The following KMT2A variants were observed in gnomAD, a reference collection of about 807,000 sequenced individuals.
KMT2A encodes lysine methyltransferase 2A.
Under a neutral mutation model 345.3 loss-of-function variants are expected in KMT2A, and 16 were observed. The observed-to-expected ratio is 0.05, with a 90% CI of 0.03 to 0.07. KMT2A has a LOEUF of 0.07. Ranked by LOEUF, KMT2A falls within the 10% of genes least tolerant of loss-of-function variation. KMT2A has a pLI of 1.00. For synonymous variants in KMT2A, 1,599 were observed against 1,778.6 expected (o/e 0.90, Z 2.54); for missense variants, 3,272 against 4,841.6 (o/e 0.68, Z 9.62).
Position 118,506,503 on chromosome 11 carries a change from T to C in KMT2A, c.10611T>C (p.Thr3537=), listed in dbSNP as rs1213203150. 2 of 1,614,052 alleles carry C rather than the reference T, an allele frequency of 1.2e-6. No individual in the cohort carries two copies. Among genetic ancestry groups the C allele is most frequent in the African/African-American group, 2.7e-5 (2 of 74,918 alleles). The change falls in exon 27 of 36, where the codon ACT becomes ACC. Residue 3537 remains threonine, a synonymous_variant. Transcript: ENST00000534358. ...RSASPSVPGP[T]KPKPKTKRFQ... Reference sequence around the variant, plus strand: ...CAAGCCCTTCAGTGCCGGGTCCCACTAAACCCAAACCAAAAACCAAACGGT... The same window carrying C: ...CAAGCCCTTCAGTGCCGGGTCCCACCAAACCCAAACCAAAAACCAAACGGT...
rs1411269068 is a variant in KMT2A at position 118,474,007 on chromosome 11, C to T, written c.2848C>T (p.Leu950Phe). The T allele has an allele frequency of 1.2e-6, 2 of 1,613,694 alleles. No individual in the cohort carries two copies. Among genetic ancestry groups the T allele is most frequent in the Non-Finnish European group, 1.7e-6 (2 of 1,179,924 alleles). Reference protein sequence around the residue: ...DSGTDITSVTLGDTTAVKTKI... With the variant: ...DSGTDITSVTFGDTTAVKTKI... ...TGGGACTGATATTACTTCTGTGACT[C>T]TTGGGGATACAACAGCTGTCAAAAC... The change falls in exon 3 of 36, where the codon CTT becomes TTT. Residue 950 changes from leucine (L) to phenylalanine (F), a missense_variant. By Grantham distance (22) the Leu-to-Phe change is conservative (BLOSUM62 0). Coordinates refer to ENST00000534358, the MANE Select transcript of KMT2A (RefSeq NM_001197104.2).
In KMT2A at chr11:118,525,986, G is replaced by C. The variant is rs1565323153; in HGVS notation, c.*3814G>C. 4.6e-6 allele frequency: 1 copy of C among 219,554 alleles called. No individual in the cohort carries two copies. The highest frequency in any genetic ancestry group is 9.1e-6 in the Non-Finnish European group (1 of 109,484). The allele number at this position is 219,554 out of a possible 1,614,324, so 13.6% of individuals were successfully genotyped here. On this transcript the variant is annotated 3_prime_UTR_variant, in exon 36 of 36. Coordinates refer to ENST00000534358, the MANE Select transcript of KMT2A (RefSeq NM_001197104.2). Reference sequence around the variant, plus strand: ...TTGGTTTTCAAATAAATATAAATATGATATATATAGGAACTAATATAGTAA... The same window carrying C: ...TTGGTTTTCAAATAAATATAAATATCATATATATAGGAACTAATATAGTAA...
At chr11:118,488,497 G>C in intron 10 of KMT2A, 117 bp from the exon 11 acceptor site, 1 of 978,506 alleles carries the variant, frequency 1.0e-6, no homozygotes. Context: ...AATATGTATT[G>C]AATTAAATAT....
intron 1 of KMT2A, among the ~76,000 whole-genome samples, chr11:118,442,950 C>T (rs1949343979): frequency 1.3e-5 from 2 of 152,092 alleles, no homozygotes; most frequent in African/African-American, 4.8e-5. Flanking sequence ...CTTCATTGAT[C>T]ACATCAGTAT....
chr11:118,491,357 A>G lies in KMT2A; in HGVS notation c.4819+39A>G. On this transcript the variant is annotated intron_variant, in intron 14 of 35. Transcript: ENST00000534358. The surrounding 1 kb of genome is among the most constrained non-coding windows in gnomAD (Gnocchi z 4.2). The stretch of plus-strand genomic sequence containing the variant: ...TATTTCAGTTTTCTTCTTTCTAGGT[A>G]CTACTACATTTATTAGCCTCTAGAG... 1 of 1,596,280 alleles carries G rather than the reference A, an allele frequency of 6.3e-7. No homozygotes were observed.
chr11:118,492,827 T>A (rs1037649247), intron 15 of KMT2A, among the ~76,000 whole-genome samples: 1 of 152,232 alleles, frequency 6.6e-6, no homozygotes, highest in Non-Finnish European at 1.5e-5. Flanking sequence ...AGCTTCTTCA[T>A]ACTAGGTTTG....
Position 118,525,114 on chromosome 11 carries a change from C to G in KMT2A, c.*2942C>G, listed in dbSNP as rs1951054305. 1 of 224,742 alleles carries G rather than the reference C, an allele frequency of 4.4e-6. No individual in the cohort carries two copies. Among genetic ancestry groups the G allele is most frequent in the African/African-American group, 2.2e-5 (1 of 44,806 alleles). The allele number at this position is 224,742 out of a possible 1,614,324, so 13.9% of individuals were successfully genotyped here. A position where few individuals can be genotyped will look rare whatever the true frequency, so the allele number is the denominator to read the frequency against. ...AGAGGGAAAGAAGGCAAAAACGGCACAGCTATCTCCAAACACATCTGAGTT... is the reference window on the plus strand; with the variant it reads ...AGAGGGAAAGAAGGCAAAAACGGCAGAGCTATCTCCAAACACATCTGAGTT... On this transcript the variant is annotated 3_prime_UTR_variant, in exon 36 of 36. Transcript: ENST00000534358.
chr11:118,484,112 T>G lies in KMT2A; in HGVS notation c.4087-71T>G. 1 of 1,394,500 alleles carries G rather than the reference T, an allele frequency of 7.2e-7. No individual in the cohort carries two copies. Among genetic ancestry groups the G allele is most frequent in the East Asian group, 2.3e-5 (1 of 43,520 alleles). 86.4% of individuals were successfully genotyped at this position (1,394,500 alleles called of 1,614,324 possible). A position where few individuals can be genotyped will look rare whatever the true frequency, so the allele number is the denominator to read the frequency against. On this transcript the variant is annotated intron_variant, in intron 8 of 35. Coordinates refer to ENST00000534358, the MANE Select transcript of KMT2A (RefSeq NM_001197104.2). The surrounding 1 kb of genome is among the most constrained non-coding windows in gnomAD (Gnocchi z 4.1). ...CTATTAATAAAATTTGTCATTTGCATTATTATCTGTTGCAAATGTGAAGGC... is the reference window on the plus strand; with the variant it reads ...CTATTAATAAAATTTGTCATTTGCAGTATTATCTGTTGCAAATGTGAAGGC...
chr11:118,458,787 C>T (rs1949693465), intron 1 of KMT2A, among the ~76,000 whole-genome samples: 1 of 152,148 alleles, frequency 6.6e-6, no homozygotes, highest in African/African-American at 2.4e-5. Flanking sequence ...AATAAATTCC[C>T]AAAGGGGAAG....
At chr11:118,488,437 T>G (rs1950267647) in intron 10 of KMT2A, 177 bp from the exon 11 acceptor site, 2 of 685,326 alleles carry the variant, frequency 2.9e-6, no homozygotes, top group Non-Finnish European at 5.2e-6. Context: ...GTACTCTGAA[T>G]CTCCCGCAGT....
At chr11:118,509,879 T>A in intron 29 of KMT2A, 69 bp from the exon 30 acceptor site, 1 of 1,124,116 alleles carries the variant, frequency 8.9e-7, no homozygotes, top group African/African-American at 1.6e-5. Flanking sequence ...TTATGTAAAG[T>A]ACTCTACATG....
At position 118,472,181 on chromosome 11, in the gene KMT2A, C is replaced by T. The variant is rs782573096; in HGVS notation, c.1022C>T (p.Thr341Ile). 1.1e-5 allele frequency: 18 copies of T among 1,613,798 alleles called. No individual in the cohort carries two copies. The South Asian group carries it at 1.6e-4, about 15-fold the overall frequency. Residue 341 changes from threonine (T) to isoleucine (I), a missense_variant, in exon 3 of 36, where the codon ACA (threonine) becomes ATA (isoleucine). Physicochemically the swap from Thr to Ile is moderately conservative, Grantham distance 89 (BLOSUM62 -1). Coordinates refer to ENST00000534358, the MANE Select transcript of KMT2A (RefSeq NM_001197104.2). The stretch of plus-strand genomic sequence containing the variant: ...GACAAGGAAGGAACACCTCCACTTA[C>T]AAAAGAAGATAAGACAGTTGTCAGA... Reference protein sequence around the residue: ...RKDKEGTPPLTKEDKTVVRQS... With the variant: ...RKDKEGTPPLIKEDKTVVRQS...
Position 118,497,034 on chromosome 11 carries a change from C to T in KMT2A, c.5664+667C>T, listed in dbSNP as rs1950420675. ...GCTCTTGTTGCCCAGGCTGGAGTTTCGCTCTTGTTGCCCAGGCTGGAGTGC... is the reference window on the plus strand; with the variant it reads ...GCTCTTGTTGCCCAGGCTGGAGTTTTGCTCTTGTTGCCCAGGCTGGAGTGC... On this transcript the variant is annotated intron_variant, in intron 20 of 35. Coordinates refer to ENST00000534358, the MANE Select transcript of KMT2A (RefSeq NM_001197104.2). The surrounding 1 kb of genome is among the most constrained non-coding windows in gnomAD (Gnocchi z 4.8). 6.6e-6 allele frequency among the ~76,000 whole-genome samples: 1 copy of T among 151,546 alleles called. No individual in the cohort carries two copies. The highest frequency in any genetic ancestry group is 2.1e-4 in the South Asian group (1 of 4,798).
intron 8 of KMT2A, among the ~76,000 whole-genome samples, chr11:118,483,423 C>T (rs1245829652): frequency 1.3e-5 from 2 of 152,004 alleles, no homozygotes; most frequent in Admixed American, 6.5e-5. Flanking sequence ...GTCCCAGCTA[C>T]TCAGGAGAGT....
rs782058837 is a variant in KMT2A at position 118,481,692 on chromosome 11, ATGT to A, written c.3635-16_3635-14del. On this transcript the variant is annotated intron_variant, in intron 6 of 35. Coordinates refer to ENST00000534358, the MANE Select transcript of KMT2A (RefSeq NM_001197104.2). Reference sequence around the variant, plus strand: ...AAATTATTCTCACTATAGACAGATGATGTTGTTGTGTTTTTCCCTCAGCTGTGA... The same window carrying A: ...AAATTATTCTCACTATAGACAGATGATGTTGTGTTTTTCCCTCAGCTGTGA... 7.5e-6 allele frequency: 12 copies of A among 1,594,382 alleles called. No individual in the cohort carries two copies. Among genetic ancestry groups the A allele is most frequent in the South Asian group, 6.8e-5 (6 of 87,868 alleles).
intron 1 of KMT2A, among the ~76,000 whole-genome samples, chr11:118,445,763 G>A (rs7110169): frequency 0.025 from 3,768 of 152,288 alleles, 90 homozygotes; most frequent in African/African-American, 0.068. Flanking sequence ...AGCACTTTGG[G>A]AGGCCAAGGC....
chr11:118,503,271 A>C lies in KMT2A; in HGVS notation c.7379A>C (p.Glu2460Ala). 1 of 1,614,184 alleles carries C rather than the reference A, an allele frequency of 6.2e-7. No homozygotes were observed. The highest frequency in any genetic ancestry group is 1.7e-5 in the Admixed American group (1 of 60,022). Residue 2460 changes from glutamate (E) to alanine (A), a missense_variant, in exon 27 of 36, where the codon GAA becomes GCA. Transcript: ENST00000534358. This position sits in a 1 kb window ranked among gnomAD's most constrained non-coding sequence, Gnocchi z 5.3. Reference protein sequence around the residue: ...LEPGQVTTGEEGNLKPEFMDE... With the variant: ...LEPGQVTTGEAGNLKPEFMDE... Reference sequence around the variant, plus strand: ...CCTGGTCAGGTGACAACTGGTGAGGAAGGAAACTTGAAGCCAGAGTTTATG... The same window carrying C: ...CCTGGTCAGGTGACAACTGGTGAGGCAGGAAACTTGAAGCCAGAGTTTATG...
chr11:118,480,118 T>C, intron 5 of KMT2A, 56 bp from the exon 6 acceptor site: 1 of 1,355,656 alleles, frequency 7.4e-7, no homozygotes, highest in Non-Finnish European at 1.1e-6. Flanking sequence ...AACACTTGTT[T>C]CAGTGCTTTT....
In KMT2A at chr11:118,491,790, C is replaced by T. The variant is rs781948984; in HGVS notation, c.4866C>T (p.Tyr1622=). 1.2e-5 allele frequency: 19 copies of T among 1,613,580 alleles called. No homozygotes were observed. Among genetic ancestry groups the T allele is most frequent in the Middle Eastern group, 1.7e-4 (1 of 6,058 alleles). ...CTAATCTGCCAGAAAGTGTGGCCTA[C>T]ACTTGTGTGAACTGTACTGAGCGGC... ...ILSNLPESVA[Y]TCVNCTERHP... The change falls in exon 15 of 36, where the codon TAC becomes TAT. Residue 1622 remains tyrosine, a synonymous_variant. Transcript: ENST00000534358. This position sits in a 1 kb window ranked among gnomAD's most constrained non-coding sequence, Gnocchi z 4.2.
Sources: gnomAD v4.1 joint callset for allele counts (sites outside exome capture counted in the v4.1 genomes callset) on GRCh38, gnomAD v4.1.1 for gene constraint, Gnocchi (gnomAD v3.1) non-coding constraint, MANE v1.5 for transcripts, NCBI Gene and HGNC (gene_info 2026-07-23, HGNC 2026-07-21) for gene names.